Variants in LRMDA observed in about 807,000 individuals in gnomAD.
The protein encoded by LRMDA is leucine-rich melanocyte differentiation-associated protein.
Under a neutral mutation model 29.8 loss-of-function variants are expected in LRMDA, and 18 were observed. That is an observed-to-expected ratio of 0.60 (90% CI 0.42 to 0.90). The LOEUF is 0.90. Ranked by LOEUF, LRMDA falls within the 40% of genes least tolerant of loss-of-function variation. LRMDA has a pLI of 0.00. For missense variants in LRMDA, 273 were observed against 273.9 expected (o/e 1.00, Z 0.02); for synonymous variants, 125 against 109.4 (o/e 1.14, Z -0.89).
intron 2 of LRMDA, among the ~76,000 whole-genome samples, chr10:75,629,109 G>A (rs1841292176): frequency 6.6e-6 from 1 of 152,150 alleles, no homozygotes. Context: ...GTTAGAGCTG[G>A]CCACAGAGCA....
chr10:75,797,340 T>C (rs1488962722), intron 2 of LRMDA, among the ~76,000 whole-genome samples: 1 of 152,186 alleles, frequency 6.6e-6, no homozygotes. Context: ...TATTTTAGAA[T>C]TTTTCTCTTA....
chr10:76,323,529 T>G (rs1840797303), intron 5 of LRMDA, among the ~76,000 whole-genome samples: 1 of 152,152 alleles, frequency 6.6e-6, no homozygotes, highest in Non-Finnish European at 1.5e-5. Flanking sequence ...GATTTAGGAA[T>G]CTCAGTTAAG....
At chr10:75,966,300 G>A (rs564915063) in intron 2 of LRMDA, among the ~76,000 whole-genome samples, 1 of 152,274 alleles carries the variant, frequency 6.6e-6, no homozygotes, top group South Asian at 2.1e-4. Flanking sequence ...ACCTTAGGCA[G>A]GTTTCTTCAT....
intron 6 of LRMDA, among the ~76,000 whole-genome samples, chr10:76,506,706 A>G (rs2132347845): frequency 6.6e-6 from 1 of 151,924 alleles, no homozygotes; most frequent in South Asian, 2.1e-4. Flanking sequence ...GTTCCCACAT[A>G]TGAATTATAA....
At chr10:76,180,277 C>CTTTTTTT (rs34563574) in intron 5 of LRMDA, among the ~76,000 whole-genome samples, 2 of 89,862 alleles carry the variant, frequency 2.2e-5, no homozygotes, top group Non-Finnish European at 4.1e-5. Context: ...TTGGAAAAAA[C>CTTTTTTT]TTTTTTTTTT....
intron 2 of LRMDA, among the ~76,000 whole-genome samples, chr10:75,711,345 G>C (rs111485373): frequency 3.1e-4 from 47 of 152,226 alleles, no homozygotes; most frequent in African/African-American, 1.1e-3. Flanking sequence ...CAAAAAAGCA[G>C]GTACTAATCC....
At chr10:75,812,602 G>A (rs372430365) in intron 2 of LRMDA, among the ~76,000 whole-genome samples, 11 of 152,280 alleles carry the variant, frequency 7.2e-5, no homozygotes, top group African/African-American at 2.4e-4. Flanking sequence ...ACAATTCTTC[G>A]TGAGTATGGA....
At chr10:75,991,299 G>A (rs375935701) in intron 2 of LRMDA, among the ~76,000 whole-genome samples, 7 of 152,024 alleles carry the variant, frequency 4.6e-5, no homozygotes, top group African/African-American at 9.7e-5. Flanking sequence ...TAAAAAATAC[G>A]GTCTCAGAAT....
chr10:76,539,913 C>T (rs1564570711), intron 6 of LRMDA, among the ~76,000 whole-genome samples: 1 of 152,058 alleles, frequency 6.6e-6, no homozygotes, highest in Admixed American at 6.6e-5. Context: ...AGTAAAGCAA[C>T]TGCATCTCTG....
intron 2 of LRMDA, among the ~76,000 whole-genome samples, chr10:75,714,787 T>C (rs570069975): frequency 1.3e-5 from 2 of 152,060 alleles, no homozygotes; most frequent in East Asian, 3.9e-4. Context: ...TCCTTCCCTT[T>C]CTCCCTTTTC....
chr10:76,288,565 G>T (rs1840301129), intron 5 of LRMDA, among the ~76,000 whole-genome samples: 1 of 152,162 alleles, frequency 6.6e-6, no homozygotes, highest in Non-Finnish European at 1.5e-5. Flanking sequence ...CACAGCAAAA[G>T]AAACTATCAT....
At chr10:75,520,585 C>G (rs941829884) in intron 2 of LRMDA, among the ~76,000 whole-genome samples, 14 of 152,174 alleles carry the variant, frequency 9.2e-5, no homozygotes, top group African/African-American at 3.4e-4. Context: ...TTCGTCTAGC[C>G]ATTTTTCAAG....
chr10:75,442,730 G>T (rs1370110061), intron 2 of LRMDA, among the ~76,000 whole-genome samples: 1 of 151,966 alleles, frequency 6.6e-6, no homozygotes. Flanking sequence ...GCTCTATTTG[G>T]AGTCTTTTGT....
chr10:76,436,124 G>C (rs955513093), intron 6 of LRMDA, among the ~76,000 whole-genome samples: 2 of 152,214 alleles, frequency 1.3e-5, no homozygotes, highest in African/African-American at 2.4e-5. Flanking sequence ...CAGCTCTGTG[G>C]TGATGGGCCT....
At chr10:75,702,322 G>A (rs1428877137) in intron 2 of LRMDA, among the ~76,000 whole-genome samples, 1 of 152,172 alleles carries the variant, frequency 6.6e-6, no homozygotes. Flanking sequence ...TTTGCCAACT[G>A]GATAGATGAA....
chr10:75,608,392 T>C (rs1349366300), intron 2 of LRMDA, among the ~76,000 whole-genome samples: 1 of 151,966 alleles, frequency 6.6e-6, no homozygotes, highest in Non-Finnish European at 1.5e-5. Context: ...TAGGATGTAA[T>C]AAGTTCTGGA....
At chr10:75,584,704 A>AT (rs1343781181) in intron 2 of LRMDA, among the ~76,000 whole-genome samples, 1 of 152,122 alleles carries the variant, frequency 6.6e-6, no homozygotes, top group African/African-American at 2.4e-5. Context: ...ACTGTGGGTA[A>AT]TTTTTTGTCT....
chr10:76,231,145 G>A (rs1310617883), intron 5 of LRMDA, among the ~76,000 whole-genome samples: 1 of 151,892 alleles, frequency 6.6e-6, no homozygotes, highest in African/African-American at 2.4e-5. Context: ...GTGGGGGAAA[G>A]AGAAAGAAAG....
intron 6 of LRMDA, among the ~76,000 whole-genome samples, chr10:76,468,672 A>G (rs1017769839): frequency 2.0e-5 from 3 of 152,210 alleles, no homozygotes; most frequent in Non-Finnish European, 2.9e-5. Flanking sequence ...ACATCTGACA[A>G]TAGCTATCCT....
Sources: gnomAD v4.1 joint callset for allele counts (sites outside exome capture counted in the v4.1 genomes callset) on GRCh38, gnomAD v4.1.1 for gene constraint, MANE v1.5 for transcripts, NCBI Gene and HGNC (gene_info 2026-07-23, HGNC 2026-07-21) for gene names.